Variants in TMEM63C observed in about 807,000 individuals in gnomAD.
TMEM63C encodes the protein osmosensitive cation channel TMEM63C.
In TMEM63C, 32 loss-of-function variants were observed where a neutral mutation model predicts 99.2. The observed-to-expected ratio is 0.32, with a 90% CI of 0.24 to 0.43. TMEM63C has a LOEUF of 0.43. TMEM63C is among the 20% of genes least tolerant of loss of function. The pLI is 1.00. For synonymous variants in TMEM63C, 376 were observed against 397.9 expected (o/e 0.94, Z 0.66); for missense variants, 826 against 1,053.0 (o/e 0.78, Z 2.98).
At chr14:77,222,445 C>G (rs1368817489) in intron 5 of TMEM63C, among the ~76,000 whole-genome samples, 2 of 152,224 alleles carry the variant, frequency 1.3e-5, no homozygotes, top group Non-Finnish European at 1.5e-5. Flanking sequence ...GGTCCACGCT[C>G]TAGGGCCCTT....
chr14:77,193,599 T>C (rs201070664), intron 1 of TMEM63C, among the ~76,000 whole-genome samples: 4 of 151,416 alleles, frequency 2.6e-5, no homozygotes, highest in African/African-American at 9.7e-5. Flanking sequence ...CTTTGGGAGG[T>C]CGAGGCGGGC....
rs949741422 is a variant in TMEM63C at position 77,246,163 on chromosome 14, G to A, written c.1535+137G>A. On this transcript the variant is annotated intron_variant, in intron 17 of 23. Transcript: ENST00000298351. ...AGACAGCCCCATGCCTGTCATGGGT[G>A]TAGCATGAGCCGGGCTTCCTGCAGA... 5 of 737,286 alleles carry A rather than the reference G, an allele frequency of 6.8e-6. No homozygotes were observed. The African/African-American group carries it at 6.9e-5, about 10-fold the overall frequency. 45.7% of individuals were successfully genotyped at this position (737,286 alleles called of 1,614,324 possible).
intron 15 of TMEM63C, 45 bp downstream of exon 15, chr14:77,243,101 A>G (rs1298709775): frequency 6.2e-7 from 1 of 1,607,398 alleles, no homozygotes; most frequent in South Asian, 1.1e-5. Context: ...CAGGGAGATC[A>G]AGGAATAATT....
chr14:77,212,420 G>A (rs1888509335), intron 1 of TMEM63C: 1 of 152,256 alleles, frequency 6.6e-6, no homozygotes, highest in African/African-American at 2.4e-5. Flanking sequence ...AAACAGATGA[G>A]TTCTTTGATG....
intron 1 of TMEM63C, among the ~76,000 whole-genome samples, chr14:77,186,776 G>GGGGTGTGTGTGTGTGTGT (rs1374329494): frequency 2.5e-4 from 35 of 138,438 alleles, no homozygotes; most frequent in Admixed American, 5.2e-4. Context: ...GAACCAAAGG[G>GGGGTGTGTGTGTGTGTGT]GTGTGTGTGT....
chr14:77,243,807 C>T (rs1566630202), intron 15 of TMEM63C, among the ~76,000 whole-genome samples: 2 of 152,162 alleles, frequency 1.3e-5, no homozygotes, highest in South Asian at 2.1e-4. Context: ...CACGCATGCA[C>T]ACACACGCAC....
At chr14:77,226,434 T>A (rs1888827689) in intron 6 of TMEM63C, among the ~76,000 whole-genome samples, 1 of 152,218 alleles carries the variant, frequency 6.6e-6, no homozygotes, top group South Asian at 2.1e-4. Context: ...CCATGCGGTC[T>A]GGTTGGAGAA....
At position 77,253,354 on chromosome 14, in the gene TMEM63C, C is replaced by G. The variant is rs951368249; in HGVS notation, c.2198C>G (p.Thr733Ser). The change falls in exon 23 of 24, where the codon ACC becomes AGC. Residue 733 changes from threonine (T) to serine (S), a missense_variant. Thr to Ser is a moderately conservative substitution (Grantham distance 58, BLOSUM62 1). Transcript: ENST00000298351. ...QTVFDMEPSS[T>S]SSTPTSLLYV... ...GTGTTTGACATGGAGCCAAGCAGCA[C>G]CTCCTCCACGCCCACCTCCCTCGTG... The G allele has an allele frequency of 6.2e-7, 1 of 1,612,546 alleles. No individual in the cohort carries two copies. The highest frequency in any genetic ancestry group is 2.2e-5 in the East Asian group (1 of 44,848).
chr14:77,230,201 C>CAAAAA (rs55863810), intron 6 of TMEM63C, among the ~76,000 whole-genome samples: 2 of 138,518 alleles, frequency 1.4e-5, no homozygotes, highest in Non-Finnish European at 1.6e-5. Flanking sequence ...GACTCTGTCT[C>CAAAAA]AAAAAAAAAA....
chr14:77,228,494 G>T (rs1486863939), intron 6 of TMEM63C, among the ~76,000 whole-genome samples: 1 of 151,840 alleles, frequency 6.6e-6, no homozygotes, highest in Non-Finnish European at 1.5e-5. Context: ...TGAGAACATT[G>T]AAAACCTTGA....
At chr14:77,249,169 A>G (rs942342350) in intron 20 of TMEM63C, 122 bp from the exon 21 acceptor site, 50 of 1,077,230 alleles carry the variant, frequency 4.6e-5, no homozygotes, top group Admixed American at 5.8e-5. Context: ...CCCCCAACCC[A>G]TCCTTGGTTG....
chr14:77,195,397 A>G (rs1329455295), intron 1 of TMEM63C, among the ~76,000 whole-genome samples: 1 of 152,202 alleles, frequency 6.6e-6, no homozygotes, highest in African/African-American at 2.4e-5. Flanking sequence ...TATGTGGATT[A>G]TAAAATCATC....
chr14:77,226,597 C>T (rs189075515), intron 6 of TMEM63C, among the ~76,000 whole-genome samples: 1 of 152,014 alleles, frequency 6.6e-6, no homozygotes, highest in East Asian at 1.9e-4. Context: ...TCGACAGGCG[C>T]GATGTGGGAT....
At chr14:77,206,405 G>A (rs1192845356) in intron 1 of TMEM63C, among the ~76,000 whole-genome samples, 1 of 152,234 alleles carries the variant, frequency 6.6e-6, no homozygotes, top group East Asian at 1.9e-4. Flanking sequence ...GTGGAGCAGG[G>A]AGGGAGGCTT....
At position 77,244,369 on chromosome 14, in the gene TMEM63C, C is replaced by T. The variant is rs748536819; in HGVS notation, c.1362C>T (p.Phe454=). 2 of 1,613,916 alleles carry T rather than the reference C, an allele frequency of 1.2e-6. No individual in the cohort carries two copies. Among genetic ancestry groups the T allele is most frequent in the Admixed American group, 3.3e-5 (2 of 60,020 alleles). ...EKLQNPIVTQ[F]FPSVMLWGFT... ...TGCAGAACCCAATTGTGACCCAGTTCTTCCCCTCTGTGATGCTCTGGGGCT... is the reference window on the plus strand; with the variant it reads ...TGCAGAACCCAATTGTGACCCAGTTTTTCCCCTCTGTGATGCTCTGGGGCT... The change falls in exon 16 of 24, where the codon TTC becomes TTT. Residue 454 remains phenylalanine (F), a synonymous_variant. Coordinates refer to ENST00000298351, the MANE Select transcript of TMEM63C (RefSeq NM_020431.4).
chr14:77,251,769 C>A lies in TMEM63C; in HGVS notation c.2039-20C>A. ...TCGGCTGGCAGACTCCTGCCCATGA[C>A]TTTTTCTCCTCCTCGGCAGGTTCTC... On this transcript the variant is annotated intron_variant, in intron 21 of 23. Transcript: ENST00000298351. 1.9e-6 allele frequency: 3 copies of A among 1,603,622 alleles called. No homozygotes were observed. In the East Asian group the frequency reaches 6.7e-5, roughly 36 times the overall value.
chr14:77,196,550 G>A (rs1482272138), intron 1 of TMEM63C, among the ~76,000 whole-genome samples: 1 of 152,194 alleles, frequency 6.6e-6, no homozygotes, highest in South Asian at 2.1e-4. Context: ...CTGCTAGCTG[G>A]GCCTCCTGGT....
At position 77,218,810 on chromosome 14, in the gene TMEM63C, C is replaced by T; in HGVS notation, c.-4C>T. On this transcript the variant is annotated 5_prime_UTR_variant, in exon 3 of 24. Transcript: ENST00000298351. ...GCCCTCTGTTTCCCAGGGATCCTCCCAGGATGTCTGCCTCACCAGACGACC... is the reference window on the plus strand; with the variant it reads ...GCCCTCTGTTTCCCAGGGATCCTCCTAGGATGTCTGCCTCACCAGACGACC... 6.2e-7 allele frequency: 1 copy of T among 1,613,092 alleles called. No homozygotes were observed. Among genetic ancestry groups the T allele is most frequent in the Non-Finnish European group, 8.5e-7 (1 of 1,179,544 alleles).
Position 77,219,518 on chromosome 14 carries a change from C to T in TMEM63C, c.171C>T (p.Ser57=). The change falls in exon 4 of 24, where the codon TCC becomes TCT. Residue 57 remains serine, a synonymous_variant. Transcript: ENST00000298351. The stretch of plus-strand genomic sequence containing the variant: ...TGTAGCTCGTCCTTGTGGTTTACTC[C>T]TTCCTCCGGAAAGCTGCGTGGGACT... ...ALWVLVLVVY[S]FLRKAAWDYG... is the part of the protein sequence containing the mutation. 1 of 1,613,998 alleles carries T rather than the reference C, an allele frequency of 6.2e-7. No homozygotes were observed. The highest frequency in any genetic ancestry group is 8.5e-7 in the Non-Finnish European group (1 of 1,179,894).
Sources: allele counts gnomAD v4.1 joint callset (sites outside exome capture counted in the v4.1 genomes callset), GRCh38; gene constraint gnomAD v4.1.1; transcripts MANE v1.5; gene names NCBI Gene and HGNC (gene_info 2026-07-23, HGNC 2026-07-21).